Variants in SCAPER observed in about 807,000 individuals in gnomAD.
The protein encoded by SCAPER is S-phase cyclin A associated protein in the ER.
A neutral mutation model predicts 182.2 loss-of-function variants in SCAPER; 98 were observed. That is an observed-to-expected ratio of 0.54 (90% CI 0.46 to 0.64). The LOEUF (loss-of-function observed/expected upper bound fraction) is 0.64, where lower values mean the gene tolerates loss of function less well. Ranked by LOEUF, SCAPER falls within the 30% of genes least tolerant of loss-of-function variation. The probability of loss-of-function intolerance (pLI) is 0.00; values close to 1 mark genes in which losing one functional copy is unlikely to be tolerated. For synonymous variants in SCAPER, 605 were observed against 564.6 expected (o/e 1.07, Z -1.01); for missense variants, 1,432 against 1,690.0 (o/e 0.85, Z 2.68).
At chr15:76,763,316 T>C (rs181282041) in intron 14 of SCAPER, among the ~76,000 whole-genome samples, 4 of 142,918 alleles carry the variant, frequency 2.8e-5, no homozygotes, top group African/African-American at 2.6e-5. Flanking sequence ...GGAAGATTCA[T>C]GTTGAGAAAT....
intron 3 of SCAPER, 54 bp downstream of exon 3, chr15:76,862,361 TA>T: frequency 8.8e-7 from 1 of 1,141,360 alleles, no homozygotes; most frequent in Non-Finnish European, 1.3e-6. Context: ...TCTTTAGGAC[TA>T]AATACACCCT....
chr15:76,394,673 C>G (rs1042463035), intron 27 of SCAPER, among the ~76,000 whole-genome samples: 1 of 152,176 alleles, frequency 6.6e-6, no homozygotes, highest in Non-Finnish European at 1.5e-5. Context: ...CTTCCTTGCT[C>G]AAAGGCTTTA....
At chr15:76,891,089 T>A (rs1276869947) in intron 1 of SCAPER, among the ~76,000 whole-genome samples, 1 of 152,242 alleles carries the variant, frequency 6.6e-6, no homozygotes, top group East Asian at 1.9e-4. Flanking sequence ...TCTCAATAGA[T>A]GCAGAAAAGG....
intron 21 of SCAPER, among the ~76,000 whole-genome samples, chr15:76,639,324 G>A (rs1321074179): frequency 6.6e-6 from 1 of 152,072 alleles, no homozygotes; most frequent in Admixed American, 6.6e-5. Context: ...TTTTCTCTAC[G>A]ATATTACTTA....
chr15:76,590,937 CAG>C (rs2049055437), intron 22 of SCAPER, among the ~76,000 whole-genome samples: 1 of 152,088 alleles, frequency 6.6e-6, no homozygotes, highest in South Asian at 2.1e-4. Context: ...AATTCAGAAA[CAG>C]ACAAATACTG....
In SCAPER at chr15:76,423,392, C is replaced by T. The variant is rs567897666; in HGVS notation, c.3311+10686G>A. Among the ~76,000 whole-genome samples, 4 of 152,268 alleles carry T rather than the reference C, an allele frequency of 2.6e-5. No individual in the cohort carries two copies. The South Asian group carries it at 8.3e-4, about 32-fold the overall frequency. On this transcript the variant is annotated intron_variant, in intron 26 of 31. Transcript: ENST00000563290. ...AATTTATCCATTTCTTCTAGATTTT[C>T]TAGTTTATTTGCATAGAGGTGTTTA...
At chr15:76,784,330 G>A (rs1435150892) in intron 8 of SCAPER, among the ~76,000 whole-genome samples, 3 of 152,134 alleles carry the variant, frequency 2.0e-5, no homozygotes, top group African/African-American at 7.2e-5. Context: ...ACTTACAAGG[G>A]ACGTGAAGGA....
chr15:76,785,056 T>C (rs1057025964), intron 8 of SCAPER, among the ~76,000 whole-genome samples: 2 of 152,218 alleles, frequency 1.3e-5, no homozygotes, highest in Admixed American at 6.5e-5. Flanking sequence ...AAAGAGCTTC[T>C]GCAGAGCAGA....
intron 23 of SCAPER, among the ~76,000 whole-genome samples, chr15:76,556,398 T>G (rs114349917): frequency 6.6e-6 from 1 of 152,090 alleles, no homozygotes; most frequent in Admixed American, 6.6e-5. Context: ...CTGAATGAAA[T>G]TGAAATCTGA....
chr15:76,389,489 A>C (rs1034923534), intron 27 of SCAPER, among the ~76,000 whole-genome samples: 42 of 137,000 alleles, frequency 3.1e-4, no homozygotes, highest in African/African-American at 1.1e-3. Context: ...AAACAAAGCA[A>C]GACTCCGTCT....
At chr15:76,469,123 C>A (rs1848598494) in intron 25 of SCAPER, among the ~76,000 whole-genome samples, 1 of 152,078 alleles carries the variant, frequency 6.6e-6, no homozygotes, top group South Asian at 2.1e-4. Flanking sequence ...TATGCAGAAC[C>A]AAGATTCTTT....
At chr15:76,589,725 G>A (rs1239033980) in intron 22 of SCAPER, among the ~76,000 whole-genome samples, 1 of 152,162 alleles carries the variant, frequency 6.6e-6, no homozygotes, top group Non-Finnish European at 1.5e-5. Context: ...GGTTGGAATT[G>A]TTACAAAGTT....
At chr15:76,819,717 G>C (rs1319398450) in intron 5 of SCAPER, among the ~76,000 whole-genome samples, 1 of 152,180 alleles carries the variant, frequency 6.6e-6, no homozygotes, top group East Asian at 1.9e-4. Context: ...CACCAGCACA[G>C]AACAAAGCTG....
chr15:76,747,814 TG>T (rs2061876092), intron 15 of SCAPER, among the ~76,000 whole-genome samples: 1 of 152,042 alleles, frequency 6.6e-6, no homozygotes, highest in African/African-American at 2.4e-5. Flanking sequence ...AAGTAGATGA[TG>T]GTGCCATGCT....
At chr15:76,884,602 C>T (rs2073745707) in intron 1 of SCAPER, among the ~76,000 whole-genome samples, 1 of 152,136 alleles carries the variant, frequency 6.6e-6, no homozygotes, top group Non-Finnish European at 1.5e-5. Flanking sequence ...GCAAATGGAA[C>T]CAAACCTCCT....
intron 5 of SCAPER, among the ~76,000 whole-genome samples, chr15:76,825,536 T>C (rs1184203811): frequency 7.2e-6 from 1 of 138,068 alleles, no homozygotes; most frequent in Non-Finnish European, 1.6e-5. Context: ...AAGTTATTAG[T>C]CAAAAAAAAT....
intron 25 of SCAPER, among the ~76,000 whole-genome samples, chr15:76,464,558 A>G (rs567475943): frequency 6.6e-6 from 1 of 152,184 alleles, no homozygotes; most frequent in South Asian, 2.1e-4. Flanking sequence ...TTGGTTGAAA[A>G]AAAAACTATG....
chr15:76,583,654 A>T (rs2048427400), intron 22 of SCAPER, among the ~76,000 whole-genome samples: 1 of 152,242 alleles, frequency 6.6e-6, no homozygotes, highest in Non-Finnish European at 1.5e-5. Flanking sequence ...CAAATGGCAC[A>T]CAGGTATATG....
At chr15:76,772,095 T>G in intron 9 of SCAPER, 141 bp from the exon 10 acceptor site, 2 of 652,988 alleles carry the variant, frequency 3.1e-6, no homozygotes, top group Non-Finnish European at 5.1e-6. Context: ...TTACTCATCT[T>G]TTTTGTATGT....
Sources: gnomAD v4.1 joint callset for allele counts (sites outside exome capture counted in the v4.1 genomes callset) on GRCh38, gnomAD v4.1.1 for gene constraint, MANE v1.5 for transcripts, NCBI Gene and HGNC (gene_info 2026-07-23, HGNC 2026-07-21) for gene names.